The following KHDRBS2 variants were observed in gnomAD, a reference collection of about 807,000 sequenced individuals.
KHDRBS2 encodes KH domain-containing, RNA-binding, signal transduction-associated protein 2.
KHDRBS2 carries 26 observed loss-of-function variants against 44.3 expected under a neutral mutation model. The observed-to-expected ratio is 0.59, with a 90% CI of 0.43 to 0.81. The LOEUF is 0.81. Ranked by LOEUF, KHDRBS2 falls within the 40% of genes least tolerant of loss-of-function variation. The pLI is 0.00. For missense variants in KHDRBS2, 476 were observed against 433.1 expected, an observed-to-expected ratio of 1.10 and a Z score of -0.88; for synonymous variants, 194 against 151.1, an observed-to-expected ratio of 1.28 and a Z score of -2.08.
At chr6:61,598,262 A>G in the KHDRBS2 span, among the ~76,000 whole-genome samples, 2 of 151,694 alleles carry the variant, frequency 1.3e-5, no homozygotes, top group African/African-American at 2.4e-5. Flanking sequence ...AGTTTTAAAC[A>G]AGAGGTATAC....
chr6:61,611,204 T>C, the KHDRBS2 span, among the ~76,000 whole-genome samples: 2 of 152,376 alleles, frequency 1.3e-5, no homozygotes, highest in East Asian at 3.9e-4. Context: ...TTAGATATCT[T>C]GCACTTCTCT....
intron 7 of KHDRBS2, among the ~76,000 whole-genome samples, chr6:61,726,477 C>T (rs1264524175): frequency 3.9e-5 from 6 of 152,082 alleles, no homozygotes; most frequent in East Asian, 1.9e-4. Context: ...GAGAAGAAGT[C>T]GAACTCTCTT....
In KHDRBS2 at chr6:62,126,213, G is replaced by C. The variant is rs151259591; in HGVS notation, c.219+50972C>G. Among the ~76,000 whole-genome samples, 294 of 152,268 alleles carry C rather than the reference G, an allele frequency of 1.9e-3. 1 individual carries two copies. Among genetic ancestry groups the C allele is most frequent in the African/African-American group, 6.6e-3 (276 of 41,556 alleles). ...ACATTAGCGTAGCTTGGCAGTATTT[G>C]CCGTGGGCCTAGGGCAGTGGTGGCC... On this transcript the variant is annotated intron_variant, in intron 2 of 8. Coordinates refer to ENST00000281156, the MANE Select transcript of KHDRBS2 (RefSeq NM_152688.4).
chr6:62,282,185 G>A (rs1475933179), intron 1 of KHDRBS2, among the ~76,000 whole-genome samples: 4 of 152,066 alleles, frequency 2.6e-5, no homozygotes, highest in African/African-American at 9.7e-5. Flanking sequence ...TAATCTAAAT[G>A]TAGTTAACTC....
At chr6:61,619,307 G>A in the KHDRBS2 span, among the ~76,000 whole-genome samples, 1 of 141,248 alleles carries the variant, frequency 7.1e-6, no homozygotes, top group Non-Finnish European at 1.5e-5. Flanking sequence ...CACTCTGTAT[G>A]CCTCCGTGTA....
chr6:62,002,759 A>C (rs1371685251), intron 3 of KHDRBS2, among the ~76,000 whole-genome samples: 1 of 151,418 alleles, frequency 6.6e-6, no homozygotes, highest in African/African-American at 2.4e-5. Context: ...TTTAGTCACA[A>C]ATGTCATAAC....
intron 6 of KHDRBS2, among the ~76,000 whole-genome samples, chr6:61,873,980 A>T (rs61313158): frequency 0.17 from 25,656 of 151,514 alleles, 2,304 homozygotes; most frequent in Non-Finnish European, 0.2. Context: ...GTACTTTATG[A>T]ATATTTTATG....
At chr6:62,098,505 C>A (rs1562852938) in intron 2 of KHDRBS2, among the ~76,000 whole-genome samples, 1 of 151,768 alleles carries the variant, frequency 6.6e-6, no homozygotes, top group Non-Finnish European at 1.5e-5. Context: ...GCTGATAAGT[C>A]AGCTGCCAGG....
intron 1 of KHDRBS2, among the ~76,000 whole-genome samples, chr6:62,258,846 T>C (rs1218056686): frequency 6.6e-6 from 1 of 152,004 alleles, no homozygotes; most frequent in South Asian, 2.1e-4. Flanking sequence ...TGGGAGGCAG[T>C]TCAAGCTCTG....
At chr6:62,121,154 T>C (rs1340506407) in intron 2 of KHDRBS2, among the ~76,000 whole-genome samples, 1 of 152,192 alleles carries the variant, frequency 6.6e-6, no homozygotes, top group Non-Finnish European at 1.5e-5. Context: ...GTAATTGGCA[T>C]AGACATACTT....
intron 3 of KHDRBS2, among the ~76,000 whole-genome samples, chr6:61,999,264 G>C (rs1777783856): frequency 1.3e-5 from 2 of 152,034 alleles, no homozygotes; most frequent in South Asian, 4.1e-4. Context: ...AATGCTCAGA[G>C]AAATGCTAAC....
intron 7 of KHDRBS2, among the ~76,000 whole-genome samples, chr6:61,732,023 A>T (rs543785272): frequency 2.1e-4 from 32 of 152,210 alleles, no homozygotes; most frequent in Admixed American, 3.3e-4. Context: ...GCATTTTTGG[A>T]TGGTGAAAAT....
intron 4 of KHDRBS2, among the ~76,000 whole-genome samples, chr6:61,968,224 C>A (rs571764630): frequency 6.0e-4 from 91 of 151,870 alleles, no homozygotes; most frequent in Admixed American, 3.6e-3. Flanking sequence ...CACTATTAAC[C>A]ATTCTTACTG....
Position 62,021,952 on chromosome 6 carries a change from C to T in KHDRBS2, c.336+25926G>A, listed in dbSNP as rs574757950. ...TATATATATATATACACACTATATA[C>T]ATATACACTGTACATATATACACAC... is the stretch of plus-strand genomic sequence containing the variant. On this transcript the variant is annotated intron_variant, in intron 3 of 8. Transcript: ENST00000281156. Among the ~76,000 whole-genome samples, 3 of 82,214 alleles carry T rather than the reference C, an allele frequency of 3.6e-5. No homozygotes were observed. The South Asian group carries it at 1.1e-3, about 30-fold the overall frequency. 53.9% of individuals were successfully genotyped at this position (82,214 alleles called of 152,430 possible).
At chr6:61,961,931 C>T (rs944750634) in intron 4 of KHDRBS2, among the ~76,000 whole-genome samples, 2 of 151,874 alleles carry the variant, frequency 1.3e-5, no homozygotes, top group Non-Finnish European at 2.9e-5. Context: ...TTAAAATAGA[C>T]TATGTAGGTA....
intron 7 of KHDRBS2, among the ~76,000 whole-genome samples, chr6:61,702,584 CTG>C (rs947915716): frequency 2.6e-5 from 4 of 151,876 alleles, no homozygotes; most frequent in African/African-American, 9.7e-5. Context: ...ATTTTAAAGA[CTG>C]AAACTAGAGA....
the KHDRBS2 span, among the ~76,000 whole-genome samples, chr6:61,659,744 A>T: frequency 0.014 from 2,060 of 151,874 alleles, 48 homozygotes; most frequent in African/African-American, 0.048. Context: ...AAAAAAAACA[A>T]AGCTAATTCT....
chr6:61,763,312 A>G (rs1779539815), intron 6 of KHDRBS2, among the ~76,000 whole-genome samples: 1 of 152,192 alleles, frequency 6.6e-6, no homozygotes, highest in Non-Finnish European at 1.5e-5. Context: ...GGATAAACAA[A>G]TGTTTATACA....
intron 6 of KHDRBS2, among the ~76,000 whole-genome samples, chr6:61,864,137 C>T (rs1426485654): frequency 6.6e-6 from 1 of 151,716 alleles, no homozygotes; most frequent in Non-Finnish European, 1.5e-5. Flanking sequence ...TCCATTTTTT[C>T]TCCTTCCCTT....
Sources: allele counts gnomAD v4.1 joint callset (sites outside exome capture counted in the v4.1 genomes callset), GRCh38; gene constraint gnomAD v4.1.1; transcripts MANE v1.5; gene names NCBI Gene and HGNC (gene_info 2026-07-23, HGNC 2026-07-21).